The following PRPSAP2 variants were observed in gnomAD, a reference collection of about 807,000 sequenced individuals.
PRPSAP2 encodes the protein phosphoribosyl pyrophosphate synthase-associated protein 2.
Under a neutral mutation model 40.6 loss-of-function variants are expected in PRPSAP2, and 24 were observed. The observed-to-expected ratio is 0.59, with a 90% CI of 0.43 to 0.83. PRPSAP2 has a LOEUF of 0.83. Ranked by LOEUF, PRPSAP2 falls within the 40% of genes least tolerant of loss-of-function variation. The pLI, the probability that PRPSAP2 is intolerant of heterozygous loss-of-function variation, is 0.00. For synonymous variants in PRPSAP2, 149 were observed against 164.7 expected (o/e 0.90, Z 0.73); for missense variants, 292 against 465.6 (o/e 0.63, Z 3.43).
Position 18,931,216 on chromosome 17 carries a change from C to CT in PRPSAP2, c.*521dup, listed in dbSNP as rs1597796185. 6.6e-6 allele frequency: 1 copy of CT among 152,326 alleles called. No individual in the cohort carries two copies. The highest frequency in any genetic ancestry group is 2.1e-4 in the South Asian group (1 of 4,830). The allele number at this position is 152,326 out of a possible 1,614,324, so 9.4% of individuals were successfully genotyped here. A position where few individuals can be genotyped will look rare whatever the true frequency, so the allele number is the denominator to read the frequency against. ...CTTGTGTTTGTGTGTTTTTCTAAAA[C>CT]TTTGTGTTTTGGCAATCGTTTTATA... On this transcript the variant is annotated 3_prime_UTR_variant, in exon 12 of 12. Coordinates refer to ENST00000268835, the MANE Select transcript of PRPSAP2 (RefSeq NM_002767.4).
intron 8 of PRPSAP2, among the ~76,000 whole-genome samples, chr17:18,900,181 G>C (rs2040181038): frequency 6.6e-6 from 1 of 151,798 alleles, no homozygotes; most frequent in Non-Finnish European, 1.5e-5. Context: ...CACCGTGCCT[G>C]GCTGCTAATT....
chr17:18,929,534 TG>T (rs1253532876), intron 11 of PRPSAP2: 1 of 152,256 alleles, frequency 6.6e-6, no homozygotes, highest in African/African-American at 2.4e-5. Context: ...CATTAGTCCC[TG>T]GGAACCACTA....
At chr17:18,894,654 T>C (rs1406818370) in intron 8 of PRPSAP2, among the ~76,000 whole-genome samples, 1 of 151,868 alleles carries the variant, frequency 6.6e-6, no homozygotes, top group Non-Finnish European at 1.5e-5. Context: ...ATTTTTAATT[T>C]TTGTATTTTT....
At chr17:18,875,853 CAAAA>C (rs35855183) in intron 5 of PRPSAP2, among the ~76,000 whole-genome samples, 2 of 107,688 alleles carry the variant, frequency 1.9e-5, no homozygotes, top group Non-Finnish European at 1.9e-5. Flanking sequence ...GACTCTGTCT[CAAAA>C]AAAAAAAAAA....
At chr17:18,866,386 A>C (rs1324685981) in intron 3 of PRPSAP2, among the ~76,000 whole-genome samples, 1 of 152,072 alleles carries the variant, frequency 6.6e-6, no homozygotes, top group African/African-American at 2.4e-5. Flanking sequence ...AACAAGGTGA[A>C]ACCCCGCGTC....
chr17:18,860,787 T>C (rs1393293108), intron 1 of PRPSAP2: 1 of 152,212 alleles, frequency 6.6e-6, no homozygotes, highest in Non-Finnish European at 1.5e-5. Context: ...AAATGACTGC[T>C]AGTCTGTCCA....
chr17:18,867,905 G>A (rs575770701), intron 4 of PRPSAP2, among the ~76,000 whole-genome samples: 2 of 152,268 alleles, frequency 1.3e-5, no homozygotes, highest in East Asian at 1.9e-4. Flanking sequence ...GGGAGGCTGA[G>A]GCAGGCAGAT....
chr17:18,907,803 A>C (rs2040689493), intron 8 of PRPSAP2, among the ~76,000 whole-genome samples: 1 of 152,216 alleles, frequency 6.6e-6, no homozygotes. Context: ...TCAAAGAAGA[A>C]GTCAAAAGTG....
chr17:18,897,742 C>T (rs1469425248), intron 8 of PRPSAP2, among the ~76,000 whole-genome samples: 3 of 152,106 alleles, frequency 2.0e-5, no homozygotes, highest in Admixed American at 6.6e-5. Flanking sequence ...GGATTACAGG[C>T]GTGAGCCACC....
upstream of PRPSAP2, among the ~76,000 whole-genome samples, chr17:18,856,658 A>G (rs2036606501): frequency 6.6e-6 from 1 of 152,190 alleles, no homozygotes; most frequent in South Asian, 2.1e-4. Flanking sequence ...ATGCCTCATT[A>G]TTGTGAAAAA....
intron 9 of PRPSAP2, among the ~76,000 whole-genome samples, chr17:18,918,355 C>T (rs1224577721): frequency 6.6e-6 from 1 of 152,172 alleles, no homozygotes; most frequent in Non-Finnish European, 1.5e-5. Context: ...AAGCCCAGGA[C>T]GAGCCCTCAG....
At chr17:18,913,137 T>C (rs1476583536) in intron 9 of PRPSAP2, among the ~76,000 whole-genome samples, 1 of 152,148 alleles carries the variant, frequency 6.6e-6, no homozygotes, top group Non-Finnish European at 1.5e-5. Context: ...GCCCCACAAC[T>C]CCACTGGGCA....
chr17:18,890,176 C>G (rs1199339875), intron 8 of PRPSAP2, among the ~76,000 whole-genome samples: 2 of 149,106 alleles, frequency 1.3e-5, no homozygotes, highest in African/African-American at 4.9e-5. Context: ...TATTTTATTT[C>G]TTTATTTTTT....
intron 1 of PRPSAP2, among the ~76,000 whole-genome samples, chr17:18,861,259 G>A (rs1327446205): frequency 6.6e-6 from 1 of 152,124 alleles, no homozygotes; most frequent in African/African-American, 2.4e-5. Context: ...GAGCTTGGGA[G>A]TTTGAGACCA....
intron 8 of PRPSAP2, among the ~76,000 whole-genome samples, chr17:18,894,303 G>A (rs1465213687): frequency 6.6e-6 from 1 of 151,854 alleles, no homozygotes; most frequent in Non-Finnish European, 1.5e-5. Context: ...GGGATTACAG[G>A]CATGCGCCAC....
intron 10 of PRPSAP2, among the ~76,000 whole-genome samples, chr17:18,926,236 ATTATTTAT>A (rs35064082): frequency 1.1e-3 from 166 of 145,234 alleles, no homozygotes; most frequent in Admixed American, 2.2e-3. Flanking sequence ...GTGCCACTGC[ATTATTTAT>A]TTATTTATTT....
chr17:18,909,648 T>C (rs1410835900), intron 8 of PRPSAP2, among the ~76,000 whole-genome samples: 1 of 152,020 alleles, frequency 6.6e-6, no homozygotes, highest in Non-Finnish European at 1.5e-5. Context: ...GCTGGACACG[T>C]AATTCCAGCA....
rs1040260537 is a variant in PRPSAP2 at position 18,902,896 on chromosome 17, A to T, written c.585-8207A>T. On this transcript the variant is annotated intron_variant, in intron 8 of 11. Coordinates refer to ENST00000268835, the MANE Select transcript of PRPSAP2 (RefSeq NM_002767.4). Reference sequence around the variant, plus strand: ...AAAAAAAAAAAAAAAAAAAAAAAGAAATTGACTTGCCCCCCTCCACTCAGT... The same window carrying T: ...AAAAAAAAAAAAAAAAAAAAAAAGATATTGACTTGCCCCCCTCCACTCAGT... 4.3e-4 allele frequency among the ~76,000 whole-genome samples: 61 copies of T among 142,270 alleles called. 1 individual carries two copies. Among genetic ancestry groups the T allele is most frequent in the Admixed American group, 3.7e-3 (52 of 14,230 alleles). The allele number at this position is 142,270 out of a possible 152,430, so 93.3% of individuals were successfully genotyped here.
chr17:18,882,351 A>C (rs1309482651), intron 6 of PRPSAP2, among the ~76,000 whole-genome samples: 1 of 151,738 alleles, frequency 6.6e-6, no homozygotes, highest in Non-Finnish European at 1.5e-5. Context: ...TTCTCTACTA[A>C]AAATACAGAA....
Sources: gnomAD v4.1 joint callset for allele counts (sites outside exome capture counted in the v4.1 genomes callset) on GRCh38, gnomAD v4.1.1 for gene constraint, MANE v1.5 for transcripts, NCBI Gene and HGNC (gene_info 2026-07-23, HGNC 2026-07-21) for gene names.